TMPRSS7: variants seen among roughly 807,000 people sequenced by gnomAD.
The protein encoded by TMPRSS7 is transmembrane serine protease 7, also known as transmembrane protease serine 7.
A neutral mutation model predicts 95.6 loss-of-function variants in TMPRSS7; 81 were observed. The observed-to-expected ratio is 0.85, with a 90% CI of 0.71 to 1.02. The LOEUF (loss-of-function observed/expected upper bound fraction) is 1.02. Ranked by LOEUF, TMPRSS7 falls within the 50% of genes least tolerant of loss-of-function variation. The probability of loss-of-function intolerance (pLI) is 0.00; values close to 1 mark genes in which losing one functional copy is unlikely to be tolerated. For synonymous variants in TMPRSS7, 364 were observed against 337.8 expected, an observed-to-expected ratio of 1.08 and a Z score of -0.85; for missense variants, 945 against 955.2, an observed-to-expected ratio of 0.99 and a Z score of 0.14.
intron 10 of TMPRSS7, among the ~76,000 whole-genome samples, chr3:112,060,850 C>A (rs559132079): frequency 8.5e-5 from 13 of 152,170 alleles, no homozygotes; most frequent in South Asian, 8.3e-4. Context: ...GATAAGTGTC[C>A]ATGAAATCTT....
exon 18 of TMPRSS7, chr3:112,081,129 A>G: frequency 6.5e-7 from 1 of 1,549,046 alleles, no homozygotes; most frequent in Admixed American, 1.9e-5. Context: ...AAAAATAGAT[A>G]CTTTAAAATG....
At chr3:112,062,303 A>C (rs2073518870) in intron 11 of TMPRSS7, among the ~76,000 whole-genome samples, 1 of 152,214 alleles carries the variant, frequency 6.6e-6, no homozygotes, top group Admixed American at 6.5e-5. Context: ...CAAAGCCAAC[A>C]CTTGTCACTC....
rs527721307 is a variant in TMPRSS7 at position 112,052,722 on chromosome 3, T to C, written c.1203+1939T>C. Among the ~76,000 whole-genome samples, 33 of 152,314 alleles carry C rather than the reference T, an allele frequency of 2.2e-4. No homozygotes were observed. In the South Asian group the frequency reaches 6.8e-3, roughly 32 times the overall value. On this transcript the variant is annotated intron_variant, in intron 9 of 17. Coordinates refer to ENST00000452346, the Ensembl canonical transcript of TMPRSS7. Reference sequence around the variant, plus strand: ...GATTTACCTTCTTGAGCTTGTGTGATAGCAGAAAAAGACAGTGCCATTCTC... The same window carrying C: ...GATTTACCTTCTTGAGCTTGTGTGACAGCAGAAAAAGACAGTGCCATTCTC...
At chr3:112,044,201 G>A in intron 3 of TMPRSS7, 54 bp from the exon 4 acceptor site, 1 of 1,309,184 alleles carries the variant, frequency 7.6e-7, no homozygotes, top group African/African-American at 1.5e-5. Flanking sequence ...TTAAGATACT[G>A]TAAAAGGAAG....
intron 13 of TMPRSS7, among the ~76,000 whole-genome samples, chr3:112,074,003 A>C (rs567696144): frequency 6.1e-4 from 93 of 152,352 alleles, no homozygotes; most frequent in African/African-American, 2.2e-3. Flanking sequence ...CTGCAGCCTA[A>C]AGCCACTGAT....
intron 1 of TMPRSS7, among the ~76,000 whole-genome samples, chr3:112,037,081 A>AC (rs1203326578): frequency 6.6e-6 from 1 of 152,222 alleles, no homozygotes; most frequent in Non-Finnish European, 1.5e-5. Flanking sequence ...GTGTGTTTGA[A>AC]CAATATGAAA....
At position 112,044,192 on chromosome 3, in the gene TMPRSS7, T is replaced by G. The variant is rs562724308; in HGVS notation, c.430-63T>G. 2.0e-5 allele frequency: 24 copies of G among 1,225,254 alleles called. No individual in the cohort carries two copies. In the East Asian group the frequency reaches 5.6e-4, roughly 29 times the overall value. The allele number at this position is 1,225,254 out of a possible 1,614,324, so 75.9% of individuals were successfully genotyped here. A position where few individuals can be genotyped will look rare whatever the true frequency, so the allele number is the denominator to read the frequency against. ...TGTCAGAGCTTGGGCCTACAACATT[T>G]AAGATACTGTAAAAGGAAGTCAAGT... On this transcript the variant is annotated intron_variant, in intron 3 of 17. Coordinates refer to ENST00000452346, the Ensembl canonical transcript of TMPRSS7.
chr3:112,056,956 G>A, intron 9 of TMPRSS7, 69 bp from the exon 10 acceptor site: 1 of 1,136,628 alleles, frequency 8.8e-7, no homozygotes, highest in Non-Finnish European at 1.3e-6. Flanking sequence ...AAAACAACAA[G>A]CCAAGGGAAT....
intron 14 of TMPRSS7, 129 bp from the exon 15 acceptor site, chr3:112,075,192 T>C (rs2073696514): frequency 1.1e-6 from 1 of 884,498 alleles, no homozygotes. Context: ...ACATGTTCTC[T>C]GTCCTCTAGA....
chr3:112,053,198 C>T (rs1000590976), intron 9 of TMPRSS7, among the ~76,000 whole-genome samples: 2 of 144,392 alleles, frequency 1.4e-5, no homozygotes, highest in African/African-American at 5.1e-5. Context: ...AAAAAAAACT[C>T]GATGACTTAA....
intron 7 of TMPRSS7, among the ~76,000 whole-genome samples, chr3:112,048,880 A>G (rs1178051302): frequency 6.6e-6 from 1 of 152,150 alleles, no homozygotes; most frequent in Non-Finnish European, 1.5e-5. Context: ...TATTATTACT[A>G]CTGAGGCAGG....
At chr3:112,080,592 T>A (rs200331585) in intron 17 of TMPRSS7, among the ~76,000 whole-genome samples, 2 of 124,124 alleles carry the variant, frequency 1.6e-5, no homozygotes, top group African/African-American at 3.0e-5. Flanking sequence ...ACCACCACCA[T>A]CACCACTAGT....
exon 13 of TMPRSS7, chr3:112,066,442 C>T (rs1490743822): frequency 6.2e-7 from 1 of 1,614,042 alleles, no homozygotes. Context: ...GCATGGCCCT[C>T]TCATCTGTGA....
At chr3:112,038,130 C>T (rs4321507) in exon 2 of TMPRSS7, 28,509 of 701,940 alleles carry the variant, frequency 0.041, 772 homozygotes, top group Non-Finnish European at 0.053. Flanking sequence ...GTGAGACGAC[C>T]ACCGTTGCCA....
Position 112,077,031 on chromosome 3 carries a change from G to A in TMPRSS7, c.2111G>A (p.Trp704Ter). 1 of 1,614,184 alleles carries A rather than the reference G, an allele frequency of 6.2e-7. No individual in the cohort carries two copies. The highest frequency in any genetic ancestry group is 8.5e-7 in the Non-Finnish European group (1 of 1,180,038). Residue 704 changes from tryptophan to a stop codon, truncating the protein, a stop_gained, in exon 16 of 18, where the codon TGG (tryptophan) becomes TAG (stop). Coordinates refer to ENST00000452346, the Ensembl canonical transcript of TMPRSS7. LOFTEE classifies it high-confidence loss of function. The stretch of plus-strand genomic sequence containing the variant: ...GCTTTGCTACAGCTCAGTATTGCCT[G>A]GCCTGAGACCCTGAAACAGCTCATT...
At chr3:112,077,489 A>G (rs1481479535) in intron 16 of TMPRSS7, among the ~76,000 whole-genome samples, 2 of 152,150 alleles carry the variant, frequency 1.3e-5, no homozygotes, top group Non-Finnish European at 2.9e-5. Context: ...GAAATGATTC[A>G]TTTATAAAGG....
chr3:112,051,348 A>T (rs78443583), intron 9 of TMPRSS7, among the ~76,000 whole-genome samples: 58 of 152,290 alleles, frequency 3.8e-4, no homozygotes, highest in African/African-American at 1.4e-3. Context: ...TATATAGAGG[A>T]TGTGCATAGA....
intron 1 of TMPRSS7, among the ~76,000 whole-genome samples, 193 bp downstream of exon 1, chr3:112,035,086 C>T (rs987447607): frequency 6.6e-6 from 1 of 152,126 alleles, no homozygotes; most frequent in African/African-American, 2.4e-5. Context: ...GATTTGTAGC[C>T]GTTTTTCTAA....
At position 112,049,989 on chromosome 3, in the gene TMPRSS7, A is replaced by G. The variant is rs76384225; in HGVS notation, c.1090+15A>G. The G allele has an allele frequency of 7.9e-3, 11,998 of 1,528,232 alleles. 77 individuals carry two copies. The highest frequency in any genetic ancestry group is 9.0e-3 in the Non-Finnish European group (10,206 of 1,130,296). 94.7% of individuals were successfully genotyped at this position (1,528,232 alleles called of 1,614,324 possible). On this transcript the variant is annotated intron_variant, in intron 8 of 17. Transcript: ENST00000452346. ...TCCAGAACAAAGTAAGTCTTCCCCA[A>G]TTATGGAGAAGTCACTTTTAGAAAT...
Sources: allele counts gnomAD v4.1 joint callset (sites outside exome capture counted in the v4.1 genomes callset), GRCh38; gene constraint gnomAD v4.1.1; transcripts MANE v1.5; gene names NCBI Gene and HGNC (gene_info 2026-07-23, HGNC 2026-07-21).